ST6GALNAC3: variants seen among roughly 807,000 people sequenced by gnomAD.
ST6GALNAC3 encodes ST6 N-acetylgalactosaminide alpha-2,6-sialyltransferase 3, also known as alpha-N-acetylgalactosaminide alpha-2,6-sialyltransferase 3.
A neutral mutation model predicts 32.7 loss-of-function variants in ST6GALNAC3; 25 were observed. The ratio of observed to expected loss-of-function variants is 0.76; its 90% CI spans 0.56 to 1.07. The LOEUF (loss-of-function observed/expected upper bound fraction) is 1.07, where lower values mean the gene tolerates loss of function less well. Among genes scored for constraint, ST6GALNAC3 ranks in the 50% least tolerant of loss-of-function variants. The pLI is 0.00. For synonymous variants in ST6GALNAC3, 129 were observed against 133.1 expected (o/e 0.97, Z 0.21); for missense variants, 355 against 382.4 (o/e 0.93, Z 0.60).
At chr1:76,507,932 A>G (rs11162168) in intron 3 of ST6GALNAC3, among the ~76,000 whole-genome samples, 2,143 of 152,266 alleles carry the variant, frequency 0.014, 48 homozygotes, top group African/African-American at 0.049. Flanking sequence ...CATTCTAACC[A>G]ATATTTGCTA....
At chr1:76,620,138 C>T (rs1050984309) in intron 3 of ST6GALNAC3, among the ~76,000 whole-genome samples, 2 of 152,036 alleles carry the variant, frequency 1.3e-5, no homozygotes, top group African/African-American at 4.8e-5. Flanking sequence ...AAGTACTCAA[C>T]ACATCTTTCT....
rs1649185294 is a variant in ST6GALNAC3 at position 76,125,541 on chromosome 1, C to G, written c.18+50657C>G. 3.9e-5 allele frequency among the ~76,000 whole-genome samples: 6 copies of G among 152,196 alleles called. No homozygotes were observed. In the South Asian group the frequency reaches 1.2e-3, roughly 31 times the overall value. On this transcript the variant is annotated intron_variant, in intron 1 of 4. Coordinates refer to ENST00000328299, the MANE Select transcript of ST6GALNAC3 (RefSeq NM_152996.4). ...CAGATTCACATTGAACCTTTTTTAACTGGCAGGGCAAGCCTCTGTGGTCCA... is the reference window on the plus strand; with the variant it reads ...CAGATTCACATTGAACCTTTTTTAAGTGGCAGGGCAAGCCTCTGTGGTCCA...
chr1:76,493,009 T>A (rs1298504667), intron 3 of ST6GALNAC3, among the ~76,000 whole-genome samples: 1 of 151,996 alleles, frequency 6.6e-6, no homozygotes, highest in East Asian at 1.9e-4. Flanking sequence ...AGGAAGGACA[T>A]GAAACAAAGA....
rs577934183 is a variant in ST6GALNAC3 at position 76,152,658 on chromosome 1, C to T, written c.18+77774C>T. ...GCCTCCTGACAGAATGAAAGGCCCC[C>T]ACAGTTTCAATTTAAACCGTAAACA... is the stretch of plus-strand genomic sequence containing the variant. On this transcript the variant is annotated intron_variant, in intron 1 of 4. Transcript: ENST00000328299. Among the ~76,000 whole-genome samples, 3 of 152,272 alleles carry T rather than the reference C, an allele frequency of 2.0e-5. No individual in the cohort carries two copies. In the East Asian group the frequency reaches 5.8e-4, roughly 29 times the overall value.
intron 1 of ST6GALNAC3, among the ~76,000 whole-genome samples, chr1:76,110,716 G>A (rs1017258925): frequency 6.6e-6 from 1 of 152,214 alleles, no homozygotes; most frequent in African/African-American, 2.4e-5. Flanking sequence ...CCTCCTCATG[G>A]TCTTTGGTCC....
chr1:76,601,959 G>T (rs1171077854), intron 3 of ST6GALNAC3, among the ~76,000 whole-genome samples: 1 of 152,116 alleles, frequency 6.6e-6, no homozygotes, highest in Non-Finnish European at 1.5e-5. Flanking sequence ...CTAACCAAAT[G>T]AATGAAAACG....
intron 2 of ST6GALNAC3, among the ~76,000 whole-genome samples, chr1:76,357,933 A>G (rs902937148): frequency 2.0e-5 from 3 of 152,318 alleles, no homozygotes; most frequent in Non-Finnish European, 4.4e-5. Context: ...GGAGAAGAGA[A>G]AAGTAATAAT....
intron 2 of ST6GALNAC3, among the ~76,000 whole-genome samples, chr1:76,356,566 A>G (rs529419898): frequency 1.3e-5 from 2 of 152,270 alleles, no homozygotes; most frequent in South Asian, 4.1e-4. Flanking sequence ...GGAAAAGTAA[A>G]GGGATGAAAG....
chr1:76,464,665 T>C (rs1229859844), intron 3 of ST6GALNAC3, among the ~76,000 whole-genome samples: 1 of 152,240 alleles, frequency 6.6e-6, no homozygotes, highest in African/African-American at 2.4e-5. Context: ...GGTCATTTAT[T>C]CATTGCCTCT....
At chr1:76,192,016 G>A (rs567780847) in intron 1 of ST6GALNAC3, among the ~76,000 whole-genome samples, 3 of 152,126 alleles carry the variant, frequency 2.0e-5, no homozygotes, top group Non-Finnish European at 4.4e-5. Flanking sequence ...ACAGGTGGGG[G>A]TAAGGGGGCC....
chr1:76,162,895 C>T (rs1651898828), intron 1 of ST6GALNAC3, among the ~76,000 whole-genome samples: 1 of 152,032 alleles, frequency 6.6e-6, no homozygotes, highest in Admixed American at 6.5e-5. Flanking sequence ...AGGAGGTGAC[C>T]AGGCCCAGAG....
chr1:76,152,019 C>T (rs1651075182), intron 1 of ST6GALNAC3, among the ~76,000 whole-genome samples: 1 of 152,152 alleles, frequency 6.6e-6, no homozygotes, highest in African/African-American at 2.4e-5. Context: ...TTGAGGCATA[C>T]TGTACCTGAT....
intron 3 of ST6GALNAC3, among the ~76,000 whole-genome samples, chr1:76,517,828 A>G (rs780242466): frequency 8.5e-5 from 13 of 152,066 alleles, no homozygotes; most frequent in East Asian, 7.7e-4. Context: ...AATGTATGCA[A>G]TTGGAGAGTT....
chr1:76,569,810 T>C (rs899678938), intron 3 of ST6GALNAC3, among the ~76,000 whole-genome samples: 1 of 152,180 alleles, frequency 6.6e-6, no homozygotes, highest in Non-Finnish European at 1.5e-5. Flanking sequence ...TGTTCAATAC[T>C]GAGTCATTTT....
chr1:76,301,921 G>T (rs1014080123), intron 1 of ST6GALNAC3, among the ~76,000 whole-genome samples: 11 of 151,720 alleles, frequency 7.3e-5, no homozygotes, highest in African/African-American at 2.4e-4. Context: ...TGATGTCTTG[G>T]GCAGCTCCAG....
At chr1:76,328,654 T>C (rs1647126261) in intron 2 of ST6GALNAC3, among the ~76,000 whole-genome samples, 1 of 152,198 alleles carries the variant, frequency 6.6e-6, no homozygotes. Context: ...ATGTATTCAG[T>C]ACAGACTTTC....
intron 2 of ST6GALNAC3, among the ~76,000 whole-genome samples, chr1:76,352,786 T>G (rs1489491103): frequency 6.6e-6 from 1 of 152,130 alleles, no homozygotes; most frequent in East Asian, 1.9e-4. Flanking sequence ...CTGTTCTACA[T>G]TCCTCCTCGT....
intron 2 of ST6GALNAC3, among the ~76,000 whole-genome samples, chr1:76,397,605 C>T (rs1653074334): frequency 6.6e-6 from 1 of 151,934 alleles, no homozygotes; most frequent in African/African-American, 2.4e-5. Context: ...AATTCCTAAC[C>T]TCAGGTGATC....
intron 3 of ST6GALNAC3, among the ~76,000 whole-genome samples, chr1:76,600,291 T>C (rs941711499): frequency 6.6e-6 from 1 of 152,172 alleles, no homozygotes; most frequent in Non-Finnish European, 1.5e-5. Flanking sequence ...TCCAGAACTG[T>C]GGAAAATGAG....
Sources: allele counts gnomAD v4.1 joint callset (sites outside exome capture counted in the v4.1 genomes callset), GRCh38; gene constraint gnomAD v4.1.1; transcripts MANE v1.5; gene names NCBI Gene and HGNC (gene_info 2026-07-23, HGNC 2026-07-21).